The following SLC8A1 variants were observed in gnomAD, a reference collection of about 807,000 sequenced individuals.
SLC8A1 encodes sodium/calcium exchanger 1.
Under a neutral mutation model 68.3 loss-of-function variants are expected in SLC8A1, and 18 were observed. The observed-to-expected ratio is 0.26, with a 90% confidence interval of 0.18 to 0.39. SLC8A1 has a LOEUF of 0.39. Ranked by LOEUF, SLC8A1 falls within the 10% of genes least tolerant of loss-of-function variation. The pLI, the probability that SLC8A1 is intolerant of heterozygous loss-of-function variation, is 1.00. For missense variants in SLC8A1, 985 were observed against 1,156.7 expected (o/e 0.85, Z 2.15); for synonymous variants, 475 against 415.5 (o/e 1.14, Z -1.74).
intron 2 of SLC8A1, among the ~76,000 whole-genome samples, chr2:40,275,916 C>T (rs940572624): frequency 5.3e-5 from 8 of 152,138 alleles, no homozygotes; most frequent in South Asian, 2.1e-4. Flanking sequence ...GTGGGACCCC[C>T]GTACCCACAG....
At chr2:40,469,986 C>A (rs78495565) in intron 1 of SLC8A1, among the ~76,000 whole-genome samples, 5,195 of 152,126 alleles carry the variant, frequency 0.034, 198 homozygotes, top group Admixed American at 0.1. Context: ...ATTACTTTAT[C>A]ATTATTAACT....
chr2:40,253,623 C>A (rs988213442), intron 2 of SLC8A1, among the ~76,000 whole-genome samples: 1 of 151,680 alleles, frequency 6.6e-6, no homozygotes, highest in African/African-American at 2.4e-5. Flanking sequence ...GTCAGGAGTT[C>A]GAGGCCAGCC....
intron 1 of SLC8A1, among the ~76,000 whole-genome samples, chr2:40,433,082 T>C (rs1698689296): frequency 6.6e-6 from 1 of 152,100 alleles, no homozygotes; most frequent in Admixed American, 6.6e-5. Context: ...ACCACTCCCT[T>C]CAAATTACTG....
chr2:40,105,593 C>A (rs1383553830), exon 8 of SLC8A1: 2 of 152,160 alleles, frequency 1.3e-5, no homozygotes, highest in African/African-American at 2.4e-5. Context: ...TAGGTCCAAT[C>A]CACCTCACAG....
chr2:40,098,336 A>G (rs1242624648), exon 8 of SLC8A1: 1 of 152,044 alleles, frequency 6.6e-6, no homozygotes, highest in African/African-American at 2.4e-5. Context: ...TAGGAGTCAA[A>G]ATTTTTATTT....
chr2:40,133,860 C>A (rs1294342288), intron 7 of SLC8A1, among the ~76,000 whole-genome samples: 1 of 152,108 alleles, frequency 6.6e-6, no homozygotes, highest in African/African-American at 2.4e-5. Flanking sequence ...CCCAATATAC[C>A]CAAGGCTTAT....
intron 2 of SLC8A1, among the ~76,000 whole-genome samples, chr2:40,339,628 A>G (rs1462831891): frequency 6.6e-6 from 1 of 152,234 alleles, no homozygotes. Flanking sequence ...TATGAAATAG[A>G]ATGCAATTTA....
intron 1 of SLC8A1, among the ~76,000 whole-genome samples, chr2:40,468,929 GA>G (rs1379294861): frequency 1.8e-4 from 27 of 151,862 alleles, no homozygotes; most frequent in Non-Finnish European, 3.1e-4. Flanking sequence ...AATAAATAAA[GA>G]AAATCAAAAA....
exon 8 of SLC8A1, chr2:40,105,463 T>A (rs2034137612): frequency 6.6e-6 from 1 of 152,228 alleles, no homozygotes; most frequent in Admixed American, 6.5e-5. Context: ...AAGTATGAAC[T>A]AATTCTAAAC....
chr2:40,461,967 G>T, intron 1 of SLC8A1, among the ~76,000 whole-genome samples: 1 of 139,582 alleles, frequency 7.2e-6, no homozygotes. Flanking sequence ...TAGATTTTTC[G>T]ATGTTTATCC....
chr2:40,124,982 T>C (rs2148143896), intron 7 of SLC8A1, among the ~76,000 whole-genome samples: 1 of 152,356 alleles, frequency 6.6e-6, no homozygotes, highest in Non-Finnish European at 1.5e-5. Flanking sequence ...ATTTTAAAGG[T>C]GCAAATGGCT....
intron 2 of SLC8A1, among the ~76,000 whole-genome samples, chr2:40,345,441 A>G (rs1668945061): frequency 2.0e-5 from 3 of 152,158 alleles, no homozygotes; most frequent in Admixed American, 2.0e-4. Context: ...TGAGCAACAA[A>G]GCTCAAGAAG....
At position 40,113,239 on chromosome 2, in the gene SLC8A1, C is replaced by T. The variant is rs145550342; in HGVS notation, c.*2014G>A. On this transcript the variant is annotated 3_prime_UTR_variant, in exon 8 of 8. Coordinates refer to ENST00000406785, the Ensembl canonical transcript of SLC8A1. ...CTGAGTGACAGAAGAAAAAATAAGT[C>T]TCAACAGCTTTAATTTATTAAGTAT... The T allele has an allele frequency of 3.9e-4, 59 of 152,634 alleles. 1 individual carries two copies. The East Asian group carries it at 9.9e-3, about 26-fold the overall frequency. 9.5% of individuals were successfully genotyped at this position (152,634 alleles called of 1,614,324 possible). A position where few individuals can be genotyped will look rare whatever the true frequency, so the allele number is the denominator to read the frequency against.
At chr2:40,393,025 A>G (rs1314998534) in intron 2 of SLC8A1, among the ~76,000 whole-genome samples, 1 of 152,102 alleles carries the variant, frequency 6.6e-6, no homozygotes, top group Admixed American at 6.6e-5. Context: ...TCAAATCAAT[A>G]GTGATACTGA....
chr2:40,475,766 T>C (rs560937447), intron 1 of SLC8A1, among the ~76,000 whole-genome samples: 1 of 152,164 alleles, frequency 6.6e-6, no homozygotes, highest in South Asian at 2.1e-4. Flanking sequence ...AATCACACTT[T>C]TGAGAACTTC....
At chr2:40,296,211 T>C (rs1294999103) in intron 2 of SLC8A1, among the ~76,000 whole-genome samples, 5 of 152,158 alleles carry the variant, frequency 3.3e-5, no homozygotes, top group African/African-American at 1.2e-4. Flanking sequence ...AAAATGACTC[T>C]AGAAAAAATA....
chr2:40,335,103 T>C (rs1254319654), intron 2 of SLC8A1, among the ~76,000 whole-genome samples: 3 of 152,238 alleles, frequency 2.0e-5, no homozygotes, highest in Non-Finnish European at 2.9e-5. Context: ...ATGAATTTCC[T>C]GCTAAGATAA....
At chr2:40,232,741 C>A (rs2059831164) in intron 2 of SLC8A1, among the ~76,000 whole-genome samples, 1 of 49,764 alleles carries the variant, frequency 2.0e-5, no homozygotes, top group Non-Finnish European at 6.2e-5. Flanking sequence ...CCAGTGCTAT[C>A]CCTCCCCCCC....
intron 7 of SLC8A1, among the ~76,000 whole-genome samples, chr2:40,135,611 G>A (rs1023189901): frequency 6.6e-6 from 1 of 152,114 alleles, no homozygotes; most frequent in African/African-American, 2.4e-5. Flanking sequence ...CCAGCTACTC[G>A]GGAGGCTGAG....
Sources: allele counts gnomAD v4.1 joint callset (sites outside exome capture counted in the v4.1 genomes callset), GRCh38; gene constraint gnomAD v4.1.1; transcripts MANE v1.5; gene names NCBI Gene and HGNC (gene_info 2026-07-23, HGNC 2026-07-21).